Variants in CCDC137 observed in about 807,000 individuals in gnomAD.
The protein encoded by CCDC137 is coiled-coil domain containing 137, also known as coiled-coil domain-containing protein 137.
Under a neutral mutation model 30.4 loss-of-function variants are expected in CCDC137, and 24 were observed. The ratio of observed to expected loss-of-function variants is 0.79; its 90% CI spans 0.57 to 1.11. The LOEUF (loss-of-function observed/expected upper bound fraction) is 1.11, where lower values mean the gene tolerates loss of function less well. Ranked by LOEUF, CCDC137 falls within the 50% of genes least tolerant of loss-of-function variation. The pLI is 0.00. For missense variants in CCDC137, 417 were observed against 380.4 expected, an observed-to-expected ratio of 1.10 and a Z score of -0.80; for synonymous variants, 182 against 155.7, an observed-to-expected ratio of 1.17 and a Z score of -1.26.
At position 81,667,863 on chromosome 17, in the gene CCDC137, G is replaced by C; in HGVS notation, c.268+1G>C. On this transcript the variant is annotated splice_donor_variant, in intron 2 of 5. Coordinates refer to ENST00000329214, the MANE Select transcript of CCDC137 (RefSeq NM_199287.3). LOFTEE classifies it high-confidence loss of function. Reference sequence around the variant, plus strand: ...AGTAACAAGAAGAGGAAGAAAGCAGGTGTGTGCAGGCCCATACTGGGCGGC... The same window carrying C: ...AGTAACAAGAAGAGGAAGAAAGCAGCTGTGTGCAGGCCCATACTGGGCGGC... 6.2e-7 allele frequency: 1 copy of C among 1,611,208 alleles called. No homozygotes were observed. Among genetic ancestry groups the C allele is most frequent in the Non-Finnish European group, 8.5e-7 (1 of 1,179,782 alleles).
Position 81,666,758 on chromosome 17 carries a change from G to T in CCDC137, c.-9G>T, listed in dbSNP as rs1436168975. ...AAGTGGCTTCGCTAGGGAGCCTCCCGGCGTGGAGATGGCGGGAGCTGGTCG... is the reference window on the plus strand; with the variant it reads ...AAGTGGCTTCGCTAGGGAGCCTCCCTGCGTGGAGATGGCGGGAGCTGGTCG... On this transcript the variant is annotated 5_prime_UTR_variant, in exon 1 of 6. Coordinates refer to ENST00000329214, the MANE Select transcript of CCDC137 (RefSeq NM_199287.3). 9 of 1,460,532 alleles carry T rather than the reference G, an allele frequency of 6.2e-6. No homozygotes were observed. Among genetic ancestry groups the T allele is most frequent in the Non-Finnish European group, 9.0e-7 (1 of 1,110,416 alleles). 90.5% of individuals were successfully genotyped at this position (1,460,532 alleles called of 1,614,324 possible).
Position 81,667,797 on chromosome 17 carries a change from G to A in CCDC137, c.203G>A (p.Arg68Gln), listed in dbSNP as rs779778634. Residue 68 changes from arginine to glutamine, a missense_variant, in exon 2 of 6, where the codon CGG (arginine) becomes CAG (glutamine). By Grantham distance (43) the Arg-to-Gln change is conservative. Coordinates refer to ENST00000329214, the MANE Select transcript of CCDC137 (RefSeq NM_199287.3). ...GAACAGGAGATTCCTTTCCGGCTCC[G>A]GGAGATTATGAGGAGCCGCCAAGAG... ...QDEQEIPFRLREIMRSRQEMK... is the reference protein window; with the variant it reads ...QDEQEIPFRLQEIMRSRQEMK... 5.6e-6 allele frequency: 9 copies of A among 1,613,006 alleles called. No individual in the cohort carries two copies. Among genetic ancestry groups the A allele is most frequent in the Admixed American group, 5.0e-5 (3 of 60,000 alleles).
rs140311665 is a variant in CCDC137 at position 81,669,387 on chromosome 17, C to T, written c.269-838C>T. Among the ~76,000 whole-genome samples, 1,321 of 146,874 alleles carry T rather than the reference C, an allele frequency of 9.0e-3. 5 individuals carry two copies. The highest frequency in any genetic ancestry group is 0.015 in the Admixed American group (219 of 14,728). On this transcript the variant is annotated intron_variant, in intron 2 of 5. Coordinates refer to ENST00000329214, the MANE Select transcript of CCDC137 (RefSeq NM_199287.3). ...TTTCGAACTCTGGCCTCAGGTGATCCGCCCACCTCAGCCTCCCAAAGTGCT... is the reference window on the plus strand; with the variant it reads ...TTTCGAACTCTGGCCTCAGGTGATCTGCCCACCTCAGCCTCCCAAAGTGCT...
At chr17:81,668,042 A>G (rs764531038) in intron 2 of CCDC137, among the ~76,000 whole-genome samples, 180 bp downstream of exon 2, 6 of 152,152 alleles carry the variant, frequency 3.9e-5, no homozygotes, top group Non-Finnish European at 7.3e-5. Flanking sequence ...GTGGTTCCAG[A>G]CGAGGCTTGG....
At chr17:81,669,077 A>G (rs1199171729) in intron 2 of CCDC137, among the ~76,000 whole-genome samples, 1 of 151,984 alleles carries the variant, frequency 6.6e-6, no homozygotes, top group Admixed American at 6.6e-5. Flanking sequence ...GTTAGTAGAG[A>G]CGAGGTTTCA....
intron 2 of CCDC137, among the ~76,000 whole-genome samples, chr17:81,668,555 T>C (rs2144439676): frequency 6.6e-6 from 1 of 152,356 alleles, no homozygotes; most frequent in South Asian, 2.1e-4. Flanking sequence ...GTGTATAAAC[T>C]GTAGGCTTCT....
rs1396667311 is a variant in CCDC137 at position 81,673,539 on chromosome 17, C to T, written c.*835C>T. ...CACAGAGTGGGGCCCAGGGGGAGTT[C>T]CTGCTGAGGGCAGGGCCTTGCCAGG... On this transcript the variant is annotated 3_prime_UTR_variant, in exon 6 of 6. Transcript: ENST00000329214. 6.6e-6 allele frequency: 1 copy of T among 152,290 alleles called. No homozygotes were observed. Among genetic ancestry groups the T allele is most frequent in the African/African-American group, 2.4e-5 (1 of 41,464 alleles). 9.4% of individuals were successfully genotyped at this position (152,290 alleles called of 1,614,324 possible).
chr17:81,672,397 A>G, intron 5 of CCDC137, 98 bp from the exon 6 acceptor site: 3 of 1,188,292 alleles, frequency 2.5e-6, no homozygotes, highest in Admixed American at 2.2e-5. Context: ...CTGAGAGTGC[A>G]GTGTTCTCGC....
At chr17:81,670,989 G>A (rs1371021704) in intron 3 of CCDC137, among the ~76,000 whole-genome samples, 1 of 152,008 alleles carries the variant, frequency 6.6e-6, no homozygotes, top group Non-Finnish European at 1.5e-5. Context: ...AAAATTAGCC[G>A]GGCGTGGTGG....
At chr17:81,669,927 G>T in intron 2 of CCDC137, 1 of 380,830 alleles carries the variant, frequency 2.6e-6, no homozygotes, top group Non-Finnish European at 4.9e-6. Flanking sequence ...TGGAGTCTGT[G>T]GGTGATCAGA....
chr17:81,672,694 C>T lies in CCDC137; in HGVS notation c.860C>T (p.Pro287Leu), dbSNP rs148449642. The T allele has an allele frequency of 2.5e-3, 3,918 of 1,588,002 alleles. 101 individuals carry two copies. The African/African-American group carries it at 0.046, about 19-fold the overall frequency. Residue 287 changes from proline to leucine, a missense_variant, in exon 6 of 6, where the codon CCG (proline) becomes CTG (leucine). By Grantham distance (98) the Pro-to-Leu change is moderately conservative. Coordinates refer to ENST00000329214, the MANE Select transcript of CCDC137 (RefSeq NM_199287.3). ...CTCACTTCCCGGAAGAAGCCAGAGC[C>T]GCAGCTGTGATGGAGAGACACCCGG... is the stretch of plus-strand genomic sequence containing the variant. ...PHLTSRKKPE[P>L]QL
intron 2 of CCDC137, among the ~76,000 whole-genome samples, chr17:81,669,266 C>A (rs553258723): frequency 1.6e-4 from 24 of 152,110 alleles, no homozygotes; most frequent in Admixed American, 1.2e-3. Context: ...GTGCCTCAGC[C>A]CCCCCAGTAG....
intron 2 of CCDC137, among the ~76,000 whole-genome samples, 181 bp downstream of exon 2, chr17:81,668,043 C>T (rs547851648): frequency 4.0e-4 from 61 of 152,192 alleles, no homozygotes; most frequent in Middle Eastern, 3.4e-3. Context: ...TGGTTCCAGA[C>T]GAGGCTTGGA....
chr17:81,666,870 AGCGCCCAGCCCC>A lies in CCDC137; in HGVS notation c.106_117del (p.Arg36_Pro39del). ...CAGCAAGTGCAGCCGCTGGGGAAGC[AGCGCCCAGCCCC>A]GTGGCCCGGGCTTCGCAGGTGACTG... is the stretch of plus-strand genomic sequence containing the variant. On this transcript the variant is annotated inframe_deletion, in exon 1 of 6. Coordinates refer to ENST00000329214, the MANE Select transcript of CCDC137 (RefSeq NM_199287.3). The A allele has an allele frequency of 7.7e-7, 1 of 1,305,920 alleles. No homozygotes were observed. Among genetic ancestry groups the A allele is most frequent in the South Asian group, 2.2e-5 (1 of 46,262 alleles). The allele number at this position is 1,305,920 out of a possible 1,614,324, so 80.9% of individuals were successfully genotyped here.
chr17:81,666,843 G>T lies in CCDC137; in HGVS notation c.77G>T (p.Arg26Leu). 7.5e-7 allele frequency: 1 copy of T among 1,338,872 alleles called. No homozygotes were observed. Among genetic ancestry groups the T allele is most frequent in the East Asian group, 3.0e-5 (1 of 33,408 alleles). The allele number at this position is 1,338,872 out of a possible 1,614,324, so 82.9% of individuals were successfully genotyped here. The change falls in exon 1 of 6, where the codon CGG becomes CTG. Residue 26 changes from arginine (R) to leucine (L), a missense_variant. Transcript: ENST00000329214. Reference sequence around the variant, plus strand: ...GGGAGTCCCCGGCGAGCGCGGGGGCGGCAGCAAGTGCAGCCGCTGGGGAAG... The same window carrying T: ...GGGAGTCCCCGGCGAGCGCGGGGGCTGCAGCAAGTGCAGCCGCTGGGGAAG... The part of the protein sequence containing the change: ...GPGSPRRARG[R>L]QQVQPLGKQR...
At chr17:81,672,252 C>G in intron 5 of CCDC137, 97 bp downstream of exon 5, 1 of 1,289,706 alleles carries the variant, frequency 7.8e-7, no homozygotes, top group Non-Finnish European at 1.1e-6. Context: ...CACCTGTAAT[C>G]CCAGCACATT....
chr17:81,670,082 C>A, intron 2 of CCDC137, 143 bp from the exon 3 acceptor site: 1 of 656,490 alleles, frequency 1.5e-6, no homozygotes, highest in Admixed American at 2.9e-5. Flanking sequence ...GGGCATTCTA[C>A]ATCCTCTTCA....
At position 81,673,036 on chromosome 17, in the gene CCDC137, G is replaced by T. The variant is rs1446628082; in HGVS notation, c.*332G>T. 2.6e-6 allele frequency: 1 copy of T among 389,786 alleles called. No homozygotes were observed. Among genetic ancestry groups the T allele is most frequent in the Admixed American group, 4.3e-5 (1 of 23,292 alleles). The allele number at this position is 389,786 out of a possible 1,614,324, so 24.1% of individuals were successfully genotyped here. On this transcript the variant is annotated 3_prime_UTR_variant, in exon 6 of 6. Coordinates refer to ENST00000329214, the MANE Select transcript of CCDC137 (RefSeq NM_199287.3). ...AACACCAAATACCGAGACAGCTGAT[G>T]AGGCTGGCTCAGTGTGTGACGGAGG... is the stretch of plus-strand genomic sequence containing the variant.
chr17:81,667,058 G>A (rs2036642790), intron 1 of CCDC137, 158 bp downstream of exon 1: 6 of 785,596 alleles, frequency 7.6e-6, no homozygotes, highest in Non-Finnish European at 8.6e-6. Flanking sequence ...CGCTCCGCCA[G>A]GATCGGTTGA....
Sources: allele counts gnomAD v4.1 joint callset (sites outside exome capture counted in the v4.1 genomes callset), GRCh38; gene constraint gnomAD v4.1.1; transcripts MANE v1.5; gene names NCBI Gene and HGNC (gene_info 2026-07-23, HGNC 2026-07-21).